TDRD12: variants seen among roughly 807,000 people sequenced by gnomAD.
TDRD12 encodes the protein tudor domain containing 12, also known as putative ATP-dependent RNA helicase TDRD12.
A neutral mutation model predicts 133.5 loss-of-function variants in TDRD12; 158 were observed. The observed-to-expected ratio is 1.18, with a 90% CI of 1.04 to 1.35. The LOEUF is 1.35. Among genes scored for constraint, TDRD12 ranks in the 40% most tolerant of loss-of-function variants. TDRD12 has a pLI of 0.00. For synonymous variants in TDRD12, 460 were observed against 477.9 expected (o/e 0.96, Z 0.49); for missense variants, 1,443 against 1,321.3 (o/e 1.09, Z -1.43).
chr19:32,807,623 C>A (rs1221203424), exon 22 of TDRD12: 1 of 1,535,368 alleles, frequency 6.5e-7, no homozygotes, highest in Admixed American at 2.0e-5. Context: ...TCCAGCCAAG[C>A]CCTACCTTCA....
Position 32,782,947 on chromosome 19 carries a change from C to T in TDRD12, c.1121+5718C>T, listed in dbSNP as rs571916217. ...ATTATGATGATAGTTTCTTTTGCTG[C>T]GCAGAAGCTCTTTAGTTTAATTAGA... On this transcript the variant is annotated intron_variant, in intron 11 of 27. Transcript: ENST00000444215. 5.9e-5 allele frequency among the ~76,000 whole-genome samples: 9 copies of T among 152,262 alleles called. No individual in the cohort carries two copies. The South Asian group carries it at 8.3e-4, about 14-fold the overall frequency.
intron 2 of TDRD12, among the ~76,000 whole-genome samples, chr19:32,737,247 A>T (rs1374781966): frequency 6.6e-6 from 1 of 152,212 alleles, no homozygotes; most frequent in Non-Finnish European, 1.5e-5. Context: ...TCTGTCGCCC[A>T]GGCTGGAGTG....
chr19:32,744,276 G>A (rs978469465), intron 4 of TDRD12, among the ~76,000 whole-genome samples: 4 of 151,594 alleles, frequency 2.6e-5, no homozygotes, highest in Admixed American at 6.6e-5. Flanking sequence ...TGAGGCAGGC[G>A]GATCACTTGA....
intron 23 of TDRD12, among the ~76,000 whole-genome samples, chr19:32,810,523 C>G (rs1320187176): frequency 1.3e-5 from 2 of 152,220 alleles, no homozygotes; most frequent in Non-Finnish European, 2.9e-5. Flanking sequence ...CTTTAACTCA[C>G]TTAATTCTTG....
At position 32,802,031 on chromosome 19, in the gene TDRD12, C is replaced by G. The variant is rs1242347436; in HGVS notation, c.2197+158C>G. 2.0e-5 allele frequency among the ~76,000 whole-genome samples: 3 copies of G among 151,130 alleles called. No homozygotes were observed. The East Asian group carries it at 5.8e-4, about 29-fold the overall frequency. ...TAATTTCAAAATGAAAAATTAACCTCCACTAAGATTTTGATGTTGAGGTAA... is the reference window on the plus strand; with the variant it reads ...TAATTTCAAAATGAAAAATTAACCTGCACTAAGATTTTGATGTTGAGGTAA... On this transcript the variant is annotated intron_variant, in intron 19 of 27. Transcript: ENST00000444215.
At position 32,810,288 on chromosome 19, in the gene TDRD12, T is replaced by G. The variant is rs1353762160; in HGVS notation, c.2837+11T>G. 10 of 1,492,588 alleles carry G rather than the reference T, an allele frequency of 6.7e-6. No individual in the cohort carries two copies. The highest frequency in any genetic ancestry group is 8.9e-6 in the Non-Finnish European group (10 of 1,127,392). 92.5% of individuals were successfully genotyped at this position (1,492,588 alleles called of 1,614,324 possible). ...AACGCTTTTTCACAGGTAACACATC[T>G]GTTTACTTCATCTGTAAAGTTTTGA... On this transcript the variant is annotated intron_variant, in intron 23 of 27. Coordinates refer to ENST00000444215, the Ensembl canonical transcript of TDRD12.
intron 2 of TDRD12, among the ~76,000 whole-genome samples, 172 bp downstream of exon 2, chr19:32,732,055 G>A (rs867070192): frequency 1.3e-5 from 2 of 152,144 alleles, no homozygotes; most frequent in Middle Eastern, 3.4e-3. Context: ...ATAGGCTGGA[G>A]TACAGTGGCA....
chr19:32,732,521 C>T (rs571636824), intron 2 of TDRD12, among the ~76,000 whole-genome samples: 11 of 152,268 alleles, frequency 7.2e-5, no homozygotes, highest in East Asian at 3.9e-4. Flanking sequence ...GTAGGGCCAA[C>T]GCCTCCCTTT....
In TDRD12 at chr19:32,731,848, A is replaced by G. The variant is rs1227429975; in HGVS notation, c.148A>G (p.Ile50Val). Residue 50 changes from isoleucine (I) to valine (V), a missense_variant, in exon 2 of 28, where the codon ATA becomes GTA. Transcript: ENST00000444215. The stretch of plus-strand genomic sequence containing the variant: ...CTTCTACAACAGCACGTGTCAAGAT[A>G]TAGAAATAAAACCCTTAACATTGGA... 4.5e-6 allele frequency: 7 copies of G among 1,549,468 alleles called. No homozygotes were observed. The African/African-American group carries it at 8.2e-5, about 18-fold the overall frequency.
At chr19:32,772,712 CT>C in intron 8 of TDRD12, 40 bp from the exon 9 acceptor site, 2 of 1,228,178 alleles carry the variant, frequency 1.6e-6, no homozygotes, top group Non-Finnish European at 2.2e-6. Context: ...ATTAATATCA[CT>C]TTTTGGTGTA....
intron 3 of TDRD12, among the ~76,000 whole-genome samples, chr19:32,739,677 T>C (rs1180712612): frequency 7.9e-6 from 1 of 126,622 alleles, no homozygotes; most frequent in Non-Finnish European, 1.7e-5. Context: ...CTCCTGCTGC[T>C]CTCTGCATCT....
Position 32,798,289 on chromosome 19 carries a change from CT to C in TDRD12, c.1631-9del, listed in dbSNP as rs34676931. The C allele has an allele frequency of 0.011, 11,924 of 1,127,992 alleles. 1 individual carries two copies. Among genetic ancestry groups the C allele is most frequent in the South Asian group, 0.023 (1,296 of 57,158 alleles). The allele number at this position is 1,127,992 out of a possible 1,614,324, so 69.9% of individuals were successfully genotyped here. On this transcript the variant is annotated intron_variant, in intron 15 of 27. Coordinates refer to ENST00000444215, the Ensembl canonical transcript of TDRD12. ...ACCTGTGGAAAATTGAAAATGTTCA[CT>C]TTTTTTTTTAAATGCAGGTGATGTG...
intron 8 of TDRD12, among the ~76,000 whole-genome samples, chr19:32,772,201 C>T (rs1970460336): frequency 6.6e-6 from 1 of 152,212 alleles, no homozygotes; most frequent in South Asian, 2.1e-4. Context: ...TCAGCTGGGA[C>T]TCTTGTCCGA....
At chr19:32,790,837 T>TTA in intron 12 of TDRD12, 127 bp from the exon 13 acceptor site, 1 of 1,450,396 alleles carries the variant, frequency 6.9e-7, no homozygotes, top group Non-Finnish European at 9.1e-7. Flanking sequence ...TCTTTTTTTT[T>TTA]AAGTAAGCAT....
At chr19:32,802,164 A>G (rs1300687576) in intron 19 of TDRD12, among the ~76,000 whole-genome samples, 1 of 142,474 alleles carries the variant, frequency 7.0e-6, no homozygotes, top group East Asian at 2.0e-4. Context: ...TATATATATG[A>G]TAATATATAT....
intron 11 of TDRD12, among the ~76,000 whole-genome samples, chr19:32,778,246 A>C (rs531924100): frequency 2.7e-4 from 41 of 151,848 alleles, no homozygotes; most frequent in African/African-American, 9.9e-4. Flanking sequence ...TTCTTACCCC[A>C]CAGGACACCA....
At chr19:32,756,145 A>C (rs781238095) in exon 7 of TDRD12, 1 of 1,436,730 alleles carries the variant, frequency 7.0e-7, no homozygotes, top group South Asian at 1.5e-5. Flanking sequence ...ACTCTGGCCA[A>C]TGTTTTTGCA....
At chr19:32,743,160 C>T (rs1269404843) in intron 4 of TDRD12, among the ~76,000 whole-genome samples, 1 of 152,256 alleles carries the variant, frequency 6.6e-6, no homozygotes, top group Non-Finnish European at 1.5e-5. Context: ...ATTCATAAAA[C>T]ATAGGATCAT....
intron 6 of TDRD12, among the ~76,000 whole-genome samples, chr19:32,754,179 A>C (rs1195234320): frequency 6.6e-6 from 1 of 152,210 alleles, no homozygotes; most frequent in Non-Finnish European, 1.5e-5. Context: ...TAAAAATACC[A>C]AAATCAGCCA....
Sources: gnomAD v4.1 joint callset for allele counts (sites outside exome capture counted in the v4.1 genomes callset) on GRCh38, gnomAD v4.1.1 for gene constraint, MANE v1.5 for transcripts, NCBI Gene and HGNC (gene_info 2026-07-23, HGNC 2026-07-21) for gene names.